Variants in ADAMTS19 observed in about 807,000 individuals in gnomAD.
ADAMTS19 encodes ADAM metallopeptidase with thrombospondin type 1 motif 19.
A neutral mutation model predicts 153.3 loss-of-function variants in ADAMTS19; 93 were observed. The observed-to-expected ratio is 0.61, with a 90% CI of 0.51 to 0.72. The LOEUF is 0.72. ADAMTS19 is among the 30% of genes least tolerant of loss of function. The pLI is 0.00. For missense variants in ADAMTS19, 1,482 were observed against 1,552.1 expected (o/e 0.95, Z 0.76); for synonymous variants, 600 against 556.6 (o/e 1.08, Z -1.10).
At chr5:129,605,807 T>TA (rs1484989579) in intron 8 of ADAMTS19, among the ~76,000 whole-genome samples, 2 of 152,178 alleles carry the variant, frequency 1.3e-5, no homozygotes, top group African/African-American at 4.8e-5. Flanking sequence ...ATATACCACT[T>TA]ACCCACTGAT....
At position 129,647,857 on chromosome 5, in the gene ADAMTS19, C is replaced by CA; in HGVS notation, c.1966dup (p.Ser656LysfsTer17). 6.2e-7 allele frequency: 1 copy of CA among 1,614,024 alleles called. No individual in the cohort carries two copies. Among genetic ancestry groups the CA allele is most frequent in the East Asian group, 2.2e-5 (1 of 44,872 alleles). Reference sequence around the variant, plus strand: ...TGTGGAGTCCTTGTAGCCGAACCTGCAGTGCTGGGATCAGCAGTCGAGAGC... The same window carrying CA: ...TGTGGAGTCCTTGTAGCCGAACCTGCAAGTGCTGGGATCAGCAGTCGAGAGC... On this transcript the variant is annotated frameshift_variant, in exon 12 of 23. Coordinates refer to ENST00000274487, the MANE Select transcript of ADAMTS19 (RefSeq NM_133638.6). LOFTEE classifies it high-confidence loss of function.
chr5:129,734,153 GAA>G (rs1178118909), intron 21 of ADAMTS19, among the ~76,000 whole-genome samples: 1 of 151,550 alleles, frequency 6.6e-6, no homozygotes, highest in Non-Finnish European at 1.5e-5. Flanking sequence ...TGGACATAGA[GAA>G]AGAGAGAAAA....
At position 129,647,887 on chromosome 5, in the gene ADAMTS19, A is replaced by G. The variant is rs764889772; in HGVS notation, c.1995A>G (p.Lys665=). 7.4e-6 allele frequency: 12 copies of G among 1,612,480 alleles called. No individual in the cohort carries two copies. The African/African-American group carries it at 8.0e-5, about 11-fold the overall frequency. The change falls in exon 12 of 23, where the codon AAA becomes AAG. Residue 665 remains lysine, a synonymous_variant. Coordinates refer to ENST00000274487, the MANE Select transcript of ADAMTS19 (RefSeq NM_133638.6). ...CSAGISSRER[K]CPGLDSEARD... ...CTGGGATCAGCAGTCGAGAGCGCAAATGTCCTGGGTAAACTCAAAGTTCCT... is the reference window on the plus strand; with the variant it reads ...CTGGGATCAGCAGTCGAGAGCGCAAGTGTCCTGGGTAAACTCAAAGTTCCT...
intron 6 of ADAMTS19, among the ~76,000 whole-genome samples, chr5:129,536,712 C>T (rs1214449057): frequency 2.0e-5 from 3 of 152,090 alleles, no homozygotes; most frequent in African/African-American, 7.2e-5. Context: ...CACATATACA[C>T]ATGGAATACT....
chr5:129,678,493 G>A (rs569491690), intron 16 of ADAMTS19, among the ~76,000 whole-genome samples: 6 of 151,974 alleles, frequency 3.9e-5, no homozygotes, highest in African/African-American at 1.2e-4. Flanking sequence ...TCATTTTGGG[G>A]GTTCCAGAAC....
At chr5:129,612,312 T>G (rs1751269000) in intron 8 of ADAMTS19, among the ~76,000 whole-genome samples, 1 of 151,998 alleles carries the variant, frequency 6.6e-6, no homozygotes. Context: ...ACGCATCATT[T>G]TTTATGGCTG....
intron 7 of ADAMTS19, among the ~76,000 whole-genome samples, chr5:129,554,527 G>A (rs987831611): frequency 6.6e-6 from 1 of 152,102 alleles, no homozygotes; most frequent in Non-Finnish European, 1.5e-5. Flanking sequence ...AAAGAAGGAA[G>A]AATGCAACCC....
chr5:129,638,420 AT>A (rs1259196551), intron 10 of ADAMTS19, among the ~76,000 whole-genome samples: 1 of 151,898 alleles, frequency 6.6e-6, no homozygotes, highest in African/African-American at 2.4e-5. Context: ...TTATGCCCTC[AT>A]TTGTTATTCC....
chr5:129,645,979 C>T (rs931042940), intron 11 of ADAMTS19, among the ~76,000 whole-genome samples: 2 of 144,078 alleles, frequency 1.4e-5, no homozygotes, highest in Non-Finnish European at 3.0e-5. Context: ...AGCTCCGCCT[C>T]CCGGGTTCAC....
intron 7 of ADAMTS19, among the ~76,000 whole-genome samples, chr5:129,582,916 G>A: frequency 6.6e-6 from 1 of 152,124 alleles, no homozygotes; most frequent in East Asian, 1.9e-4. Context: ...TATATTTAAA[G>A]TTAGTATTGT....
At chr5:129,560,189 C>G (rs1244850903) in intron 7 of ADAMTS19, among the ~76,000 whole-genome samples, 1 of 152,118 alleles carries the variant, frequency 6.6e-6, no homozygotes, top group African/African-American at 2.4e-5. Context: ...CATTGTTGCT[C>G]TTGAGGATTT....
In ADAMTS19 at chr5:129,596,565, C is replaced by G; in HGVS notation, c.1379C>G (p.Ala460Gly). The change falls in exon 8 of 23, where the codon GCT (alanine) becomes GGT (glycine). Residue 460 changes from alanine (A) to glycine (G), a missense_variant. Coordinates refer to ENST00000274487, the MANE Select transcript of ADAMTS19 (RefSeq NM_133638.6). Reference sequence around the variant, plus strand: ...TAATGTTTGTATTTTTTAGGTATAGCTTACTTGAGTGGAATGTGTAGTGAA... The same window carrying G: ...TAATGTTTGTATTTTTTAGGTATAGGTTACTTGAGTGGAATGTGTAGTGAA... The part of the protein sequence containing the change: ...KDEPCDTVGI[A>G]YLSGMCSEKR... 1 of 1,595,608 alleles carries G rather than the reference C, an allele frequency of 6.3e-7. No homozygotes were observed. The highest frequency in any genetic ancestry group is 8.6e-7 in the Non-Finnish European group (1 of 1,169,010).
chr5:129,523,829 G>GA (rs763041684), intron 3 of ADAMTS19, among the ~76,000 whole-genome samples: 22 of 150,750 alleles, frequency 1.5e-4, no homozygotes, highest in Admixed American at 1.2e-3. Context: ...AAACAAATGA[G>GA]AAAAAAAAAT....
intron 10 of ADAMTS19, 113 bp from the exon 11 acceptor site, chr5:129,641,746 T>G: frequency 3.7e-6 from 2 of 535,072 alleles, no homozygotes; most frequent in Non-Finnish European, 6.5e-6. Context: ...AAAGCATATT[T>G]TTCTTCAAAT....
intron 6 of ADAMTS19, among the ~76,000 whole-genome samples, chr5:129,532,200 A>G (rs1419169718): frequency 1.2e-5 from 1 of 80,600 alleles, no homozygotes; most frequent in Non-Finnish European, 2.1e-5. Context: ...AAAAGATGTT[A>G]CACCTTTTGT....
intron 21 of ADAMTS19, among the ~76,000 whole-genome samples, chr5:129,717,043 T>C (rs1756762530): frequency 6.6e-6 from 1 of 152,226 alleles, no homozygotes. Flanking sequence ...CTTCCAACAA[T>C]CCAAGTCCTC....
At chr5:129,714,336 G>A (rs1298023786) in intron 21 of ADAMTS19, among the ~76,000 whole-genome samples, 1 of 148,212 alleles carries the variant, frequency 6.7e-6, no homozygotes, top group African/African-American at 2.5e-5. Context: ...GGAGAATGGC[G>A]TGAACCCGGG....
intron 2 of ADAMTS19, among the ~76,000 whole-genome samples, chr5:129,462,107 G>C (rs1396256131): frequency 6.6e-6 from 1 of 152,158 alleles, no homozygotes; most frequent in Middle Eastern, 3.2e-3. Context: ...ATGTCTTTTA[G>C]GAACTCGAAA....
intron 2 of ADAMTS19, among the ~76,000 whole-genome samples, chr5:129,479,805 A>G (rs966931336): frequency 2.0e-5 from 3 of 152,186 alleles, no homozygotes; most frequent in Non-Finnish European, 2.9e-5. Flanking sequence ...AAATATTGAC[A>G]GAGATTAAGG....
Sources: gnomAD v4.1 joint callset for allele counts (sites outside exome capture counted in the v4.1 genomes callset) on GRCh38, gnomAD v4.1.1 for gene constraint, MANE v1.5 for transcripts, NCBI Gene and HGNC (gene_info 2026-07-23, HGNC 2026-07-21) for gene names.